The following SDCCAG8 variants were observed in gnomAD, a reference collection of about 807,000 sequenced individuals.
The protein encoded by SDCCAG8 is SHH signaling and ciliogenesis regulator SDCCAG8.
SDCCAG8 carries 74 observed loss-of-function variants against 101.8 expected under a neutral mutation model. The observed-to-expected ratio is 0.73, with a 90% CI of 0.60 to 0.88. SDCCAG8 has a LOEUF of 0.88. Ranked by LOEUF, SDCCAG8 falls within the 40% of genes least tolerant of loss-of-function variation. The pLI is 0.00. For missense variants in SDCCAG8, 787 were observed against 822.6 expected, an observed-to-expected ratio of 0.96 and a Z score of 0.53; for synonymous variants, 281 against 292.9, an observed-to-expected ratio of 0.96 and a Z score of 0.41.
At chr1:243,470,752 G>A (rs1661089359) in intron 16 of SDCCAG8, among the ~76,000 whole-genome samples, 1 of 152,108 alleles carries the variant, frequency 6.6e-6, no homozygotes, top group Non-Finnish European at 1.5e-5. Flanking sequence ...TCAGGCAAGG[G>A]TGCTGTCCCC....
rs555680673 is a variant in SDCCAG8 at position 243,358,654 on chromosome 1, CG to C, written c.1473+14325del. The stretch of plus-strand genomic sequence containing the variant: ...AACATGCTACTCAAAAACTTCTACA[CG>C]GATGTTCATAGCATTATTCATAGTA... On this transcript the variant is annotated intron_variant, in intron 12 of 17. Coordinates refer to ENST00000366541, the MANE Select transcript of SDCCAG8 (RefSeq NM_006642.5). 2.6e-5 allele frequency among the ~76,000 whole-genome samples: 4 copies of C among 152,228 alleles called. No individual in the cohort carries two copies. The East Asian group carries it at 7.7e-4, about 29-fold the overall frequency.
intron 10 of SDCCAG8, among the ~76,000 whole-genome samples, chr1:243,335,958 A>G (rs1003146916): frequency 6.6e-6 from 1 of 152,222 alleles, no homozygotes; most frequent in African/African-American, 2.4e-5. Context: ...TGTTCCTGCC[A>G]AAGACCTGAT....
At chr1:243,486,833 G>C (rs867873930) in intron 16 of SDCCAG8, among the ~76,000 whole-genome samples, 1 of 152,216 alleles carries the variant, frequency 6.6e-6, no homozygotes. Context: ...GGTGTCACTT[G>C]TCACGTTTCC....
rs540631245 is a variant in SDCCAG8 at position 243,434,139 on chromosome 1, AACC to A, written c.1985+7582_1985+7584del. On this transcript the variant is annotated intron_variant, in intron 16 of 17. Coordinates refer to ENST00000366541, the MANE Select transcript of SDCCAG8 (RefSeq NM_006642.5). ...TTAGTTTGTTTTGGATTGTTTTGTT[AACC>A]CCCTACGGTGCAGTATTGCATACTT... 2.2e-3 allele frequency among the ~76,000 whole-genome samples: 340 copies of A among 152,338 alleles called. 2 individuals are homozygous for A. The highest frequency in any genetic ancestry group is 4.1e-3 in the Admixed American group (62 of 15,296).
At chr1:243,336,823 C>A (rs901556386) in intron 10 of SDCCAG8, among the ~76,000 whole-genome samples, 2 of 152,174 alleles carry the variant, frequency 1.3e-5, no homozygotes, top group African/African-American at 4.8e-5. Flanking sequence ...CTGTTCATGT[C>A]TTTTGTTCAT....
At chr1:243,435,426 G>A (rs1443476301) in intron 16 of SDCCAG8, among the ~76,000 whole-genome samples, 1 of 152,150 alleles carries the variant, frequency 6.6e-6, no homozygotes, top group African/African-American at 2.4e-5. Context: ...CTTAACAAAT[G>A]TTTCACATTG....
intron 16 of SDCCAG8, among the ~76,000 whole-genome samples, chr1:243,466,860 C>T (rs988581101): frequency 1.3e-5 from 2 of 152,208 alleles, no homozygotes; most frequent in Admixed American, 6.5e-5. Flanking sequence ...CGGTACAACC[C>T]GGGACTATTG....
intron 12 of SDCCAG8, among the ~76,000 whole-genome samples, chr1:243,363,937 C>G (rs963608403): frequency 6.6e-6 from 1 of 152,114 alleles, no homozygotes; most frequent in Non-Finnish European, 1.5e-5. Context: ...GTGCTGCTTG[C>G]TAAAATTAGT....
intron 6 of SDCCAG8, among the ~76,000 whole-genome samples, chr1:243,300,194 C>CT (rs2071366431): frequency 1.3e-5 from 2 of 151,796 alleles, no homozygotes; most frequent in African/African-American, 2.4e-5. Context: ...TTCCCTTTTG[C>CT]TTTTTTTTGT....
At chr1:243,314,394 C>T (rs973362888) in intron 8 of SDCCAG8, among the ~76,000 whole-genome samples, 8 of 152,194 alleles carry the variant, frequency 5.3e-5, no homozygotes, top group African/African-American at 1.9e-4. Context: ...CACTTTTGAA[C>T]CAGAACGACT....
Position 243,433,034 on chromosome 1 carries a change from A to G in SDCCAG8, c.1985+6476A>G, listed in dbSNP as rs552810246. 1.7e-4 allele frequency among the ~76,000 whole-genome samples: 26 copies of G among 152,298 alleles called. No individual in the cohort carries two copies. In the South Asian group the frequency reaches 3.5e-3, roughly 21 times the overall value. ...TGGGTTGGGATACCAAGCACTGAGCAGAAAATGATAGTGAACTGGGCGAAG... is the reference window on the plus strand; with the variant it reads ...TGGGTTGGGATACCAAGCACTGAGCGGAAAATGATAGTGAACTGGGCGAAG... On this transcript the variant is annotated intron_variant, in intron 16 of 17. Transcript: ENST00000366541.
chr1:243,306,058 C>T (rs1490908740), intron 7 of SDCCAG8: 3 of 147,974 alleles, frequency 2.0e-5, no homozygotes, highest in Non-Finnish European at 4.4e-5. Context: ...TGCACTCCAG[C>T]CTGGGTGACA....
chr1:243,476,532 G>A (rs951890518), intron 16 of SDCCAG8, among the ~76,000 whole-genome samples: 1 of 152,132 alleles, frequency 6.6e-6, no homozygotes, highest in African/African-American at 2.4e-5. Flanking sequence ...CACACCAGGA[G>A]GGTTTTAGTC....
chr1:243,424,028 A>C (rs2081184437), intron 15 of SDCCAG8, among the ~76,000 whole-genome samples: 1 of 152,104 alleles, frequency 6.6e-6, no homozygotes, highest in Non-Finnish European at 1.5e-5. Context: ...AATAATAGTG[A>C]AATTGAATAT....
intron 9 of SDCCAG8, 51 bp downstream of exon 9, chr1:243,316,944 T>C (rs2073300452): frequency 2.6e-6 from 4 of 1,567,448 alleles, no homozygotes; most frequent in African/African-American, 1.4e-5. Flanking sequence ...TTTTTCTTTT[T>C]TCTTCTGAGT....
intron 16 of SDCCAG8, among the ~76,000 whole-genome samples, chr1:243,468,582 G>A (rs1401032301): frequency 6.6e-6 from 1 of 152,192 alleles, no homozygotes; most frequent in East Asian, 1.9e-4. Flanking sequence ...GGTGCTTTGG[G>A]AGACCAAGGT....
intron 16 of SDCCAG8, among the ~76,000 whole-genome samples, chr1:243,436,119 T>C (rs1053204258): frequency 2.0e-5 from 3 of 151,984 alleles, no homozygotes; most frequent in South Asian, 2.1e-4. Context: ...ACATGATATA[T>C]CTCTACCATT....
At chr1:243,454,278 G>T (rs2083572289) in intron 16 of SDCCAG8, among the ~76,000 whole-genome samples, 1 of 152,094 alleles carries the variant, frequency 6.6e-6, no homozygotes, top group Admixed American at 6.5e-5. Flanking sequence ...TGAATTATTA[G>T]TATTGTCTTC....
intron 10 of SDCCAG8, among the ~76,000 whole-genome samples, chr1:243,335,803 C>G (rs1387558961): frequency 4.6e-5 from 7 of 152,156 alleles, no homozygotes; most frequent in Non-Finnish European, 7.3e-5. Context: ...CCTCTCCTCT[C>G]TAGTCATCCC....
Sources: gnomAD v4.1 joint callset for allele counts (sites outside exome capture counted in the v4.1 genomes callset) on GRCh38, gnomAD v4.1.1 for gene constraint, MANE v1.5 for transcripts, NCBI Gene and HGNC (gene_info 2026-07-23, HGNC 2026-07-21) for gene names.